DIP2C: variants seen among roughly 807,000 people sequenced by gnomAD.
DIP2C encodes DIP2 acetate--CoA ligase C (putative).
A neutral mutation model predicts 192.4 loss-of-function variants in DIP2C; 33 were observed. The ratio of observed to expected loss-of-function variants is 0.17; its 90% CI spans 0.13 to 0.23. The LOEUF is 0.23. Ranked by LOEUF, DIP2C falls within the 10% of genes least tolerant of loss-of-function variation. DIP2C has a pLI of 1.00. For missense variants in DIP2C, 1,537 were observed against 2,110.1 expected (o/e 0.73, Z 5.32); for synonymous variants, 979 against 864.1 (o/e 1.13, Z -2.33).
chr10:435,460 G>A (rs954110145), intron 4 of DIP2C, among the ~76,000 whole-genome samples: 2 of 152,182 alleles, frequency 1.3e-5, no homozygotes, highest in Non-Finnish European at 2.9e-5. Flanking sequence ...CAGGCCTCCT[G>A]GACGTTTTAA....
At chr10:300,379 T>C (rs1481001542) in intron 32 of DIP2C, among the ~76,000 whole-genome samples, 2 of 152,024 alleles carry the variant, frequency 1.3e-5, no homozygotes, top group Non-Finnish European at 2.9e-5. Flanking sequence ...CTAGGTAACA[T>C]CAGCCAGTCA....
At position 553,414 on chromosome 10, in the gene DIP2C, G is replaced by C. The variant is rs374890194; in HGVS notation, c.86-66884C>G. 3.7e-4 allele frequency among the ~76,000 whole-genome samples: 56 copies of C among 152,334 alleles called. 1 individual carries two copies. In the East Asian group the frequency reaches 4.2e-3, roughly 12 times the overall value. On this transcript the variant is annotated intron_variant, in intron 1 of 36. Transcript: ENST00000280886. ...CCCTCAAGCCCTTCGTGAGCCTAGA[G>C]CCACAGAGCCATTTGCTGCACTCCC...
At position 584,836 on chromosome 10, in the gene DIP2C, G is replaced by A. The variant is rs866720079; in HGVS notation, c.86-98306C>T. 8.0e-4 allele frequency among the ~76,000 whole-genome samples: 80 copies of A among 100,346 alleles called. 2 individuals carry two copies. Among genetic ancestry groups the A allele is most frequent in the African/African-American group, 3.1e-3 (74 of 23,936 alleles). 65.8% of individuals were successfully genotyped at this position (100,346 alleles called of 152,430 possible). A position where few individuals can be genotyped will look rare whatever the true frequency, so the allele number is the denominator to read the frequency against. ...CCCGCGACCTGACCCCCACTCACGC[G>A]CATCACCTCTCAGATAATCTCGGGG... is the stretch of plus-strand genomic sequence containing the variant. On this transcript the variant is annotated intron_variant, in intron 1 of 36. Transcript: ENST00000280886.
intron 32 of DIP2C, among the ~76,000 whole-genome samples, chr10:306,731 T>TGG (rs1329477924): frequency 6.6e-6 from 1 of 152,184 alleles, no homozygotes; most frequent in East Asian, 1.9e-4. Context: ...CCTGGGCCGG[T>TGG]GGATCAGAAG....
In DIP2C at chr10:532,528, T is replaced by A. The variant is rs555868673; in HGVS notation, c.86-45998A>T. 4.9e-3 allele frequency among the ~76,000 whole-genome samples: 671 copies of A among 137,946 alleles called. 22 individuals carry two copies. Among genetic ancestry groups the A allele is most frequent in the African/African-American group, 0.015 (565 of 37,120 alleles). The allele number at this position is 137,946 out of a possible 152,430, so 90.5% of individuals were successfully genotyped here. ...AGAATTGGTATTTTGTGTGGGTGTG[T>A]GAGAGAGTATGGGTGTGAGAGAGTA... On this transcript the variant is annotated intron_variant, in intron 1 of 36. Coordinates refer to ENST00000280886, the MANE Select transcript of DIP2C (RefSeq NM_014974.3).
intron 14 of DIP2C, among the ~76,000 whole-genome samples, chr10:386,950 G>A (rs963474969): frequency 6.6e-6 from 1 of 152,086 alleles, no homozygotes; most frequent in African/African-American, 2.4e-5. Context: ...GCCCAAGCCC[G>A]GCACGTCATC....
At chr10:624,224 C>T (rs1854056253) in intron 1 of DIP2C, among the ~76,000 whole-genome samples, 2 of 152,208 alleles carry the variant, frequency 1.3e-5, no homozygotes, top group African/African-American at 4.8e-5. Context: ...CCTGGGGCTC[C>T]CAGCTGAAGC....
chr10:295,101 C>CT (rs200972750), intron 32 of DIP2C, among the ~76,000 whole-genome samples: 44 of 149,740 alleles, frequency 2.9e-4, no homozygotes, highest in South Asian at 8.5e-4. Context: ...AAGTGGAAGT[C>CT]TTTTTTTTTT....
intron 1 of DIP2C, among the ~76,000 whole-genome samples, chr10:632,324 G>A (rs1392474112): frequency 6.6e-6 from 1 of 152,080 alleles, no homozygotes; most frequent in Admixed American, 6.5e-5. Context: ...TGGAAACCAC[G>A]CGGGCACCAG....
intron 26 of DIP2C, among the ~76,000 whole-genome samples, chr10:346,725 C>T (rs1429678577): frequency 4.2e-5 from 6 of 143,886 alleles, no homozygotes; most frequent in Non-Finnish European, 1.5e-5. Context: ...CTCCCGGAAA[C>T]GTCACACACA....
intron 10 of DIP2C, among the ~76,000 whole-genome samples, chr10:394,554 C>CGG (rs1564656436): frequency 2.1e-4 from 20 of 93,860 alleles, no homozygotes; most frequent in South Asian, 4.0e-4. Context: ...TGTGCTGAAC[C>CGG]AAAGGACATT....
At chr10:502,609 A>C (rs915839729) in intron 1 of DIP2C, among the ~76,000 whole-genome samples, 1 of 152,154 alleles carries the variant, frequency 6.6e-6, no homozygotes, top group Admixed American at 6.5e-5. Context: ...AGGGATCTAC[A>C]AAAGTCAGTC....
At chr10:406,460 G>A (rs1964814091) in intron 9 of DIP2C, among the ~76,000 whole-genome samples, 1 of 152,168 alleles carries the variant, frequency 6.6e-6, no homozygotes, top group South Asian at 2.1e-4. Context: ...CTACTCTAGG[G>A]ATGTCATGAA....
chr10:462,566 C>A (rs775757991), intron 3 of DIP2C, among the ~76,000 whole-genome samples: 1 of 152,084 alleles, frequency 6.6e-6, no homozygotes. Context: ...CAGGACCAGA[C>A]GAATTCACAG....
At chr10:344,785 A>G in intron 28 of DIP2C, 24 bp downstream of exon 28, 2 of 1,561,016 alleles carry the variant, frequency 1.3e-6, no homozygotes, top group East Asian at 2.3e-5. Flanking sequence ...CTCCATGGCC[A>G]CCGCCCGCAG....
intron 29 of DIP2C, among the ~76,000 whole-genome samples, chr10:333,920 T>A (rs1473089644): frequency 6.6e-6 from 1 of 152,196 alleles, no homozygotes; most frequent in Admixed American, 6.5e-5. Flanking sequence ...TCTTTTCACG[T>A]CCTTATTGGC....
In DIP2C at chr10:575,325, G is replaced by A. The variant is rs145001990; in HGVS notation, c.86-88795C>T. 1.4e-3 allele frequency among the ~76,000 whole-genome samples: 207 copies of A among 152,282 alleles called. 2 individuals carry two copies. Among genetic ancestry groups the A allele is most frequent in the African/African-American group, 4.5e-3 (189 of 41,562 alleles). On this transcript the variant is annotated intron_variant, in intron 1 of 36. Transcript: ENST00000280886. ...ATAAAAAGTAAAATTCTCATTTGAG[G>A]ATCATATACATTAACTGAAGTTTTC...
chr10:362,839 G>C, intron 21 of DIP2C, 148 bp from the exon 22 acceptor site: 1 of 949,894 alleles, frequency 1.1e-6, no homozygotes, highest in Non-Finnish European at 1.5e-6. Context: ...TAAGAGAAAG[G>C]ATTTTCCTAC....
intron 1 of DIP2C, among the ~76,000 whole-genome samples, chr10:625,107 T>C (rs1171156347): frequency 6.6e-6 from 1 of 152,068 alleles, no homozygotes; most frequent in African/African-American, 2.4e-5. Flanking sequence ...ACGATGACAA[T>C]CAACCATGCC....
Sources: allele counts gnomAD v4.1 joint callset (sites outside exome capture counted in the v4.1 genomes callset), GRCh38; gene constraint gnomAD v4.1.1; transcripts MANE v1.5; gene names NCBI Gene and HGNC (gene_info 2026-07-23, HGNC 2026-07-21).